The following WDR35 variants were observed in gnomAD, a reference collection of about 807,000 sequenced individuals.
The protein encoded by WDR35 is WD repeat domain 35, also known as WD repeat-containing protein 35.
A neutral mutation model predicts 158.3 loss-of-function variants in WDR35; 118 were observed. The observed-to-expected ratio is 0.75, with a 90% CI of 0.64 to 0.87. The LOEUF (loss-of-function observed/expected upper bound fraction) is 0.87. WDR35 is among the 40% of genes least tolerant of loss of function. WDR35 has a pLI of 0.00. For missense variants in WDR35, 1,263 were observed against 1,405.8 expected, an observed-to-expected ratio of 0.90 and a Z score of 1.62; for synonymous variants, 448 against 476.1, an observed-to-expected ratio of 0.94 and a Z score of 0.77.
rs775866923 is a variant in WDR35 at position 19,946,516 on chromosome 2, G to T, written c.1579C>A (p.Gln527Lys). Reference protein sequence around the residue: ...RYSLPNVGLIQKYSLNCRAYQ... With the variant: ...RYSLPNVGLIKKYSLNCRAYQ... ...GCTCGACAATTAAGGGAATATTTTT[G>T]AATCAAACCAACATTAGGTAGACTG... The change falls in exon 15 of 27, where the codon CAA becomes AAA. Residue 527 changes from glutamine to lysine, a missense_variant. Transcript: ENST00000281405. The T allele has an allele frequency of 2.5e-6, 4 of 1,613,480 alleles. No homozygotes were observed. The highest frequency in any genetic ancestry group is 2.2e-5 in the East Asian group (1 of 44,782).
At chr2:19,971,146 T>A (rs2103450500) in intron 8 of WDR35, among the ~76,000 whole-genome samples, 1 of 152,328 alleles carries the variant, frequency 6.6e-6, no homozygotes, top group African/African-American at 2.4e-5. Context: ...ACATTTTTAA[T>A]CTATATCTTT....
chr2:19,974,020 C>T (rs576075146), intron 7 of WDR35, among the ~76,000 whole-genome samples: 2 of 152,102 alleles, frequency 1.3e-5, no homozygotes, highest in South Asian at 4.2e-4. Flanking sequence ...AGACCTTGAG[C>T]CTGGGAGGCC....
At position 19,930,344 on chromosome 2, in the gene WDR35, TA is replaced by T. The variant is rs1670485272; in HGVS notation, c.3121+51del. ...GCAAATTGAAGAAGCTAGCCCTTCA[TA>T]CTCAATTTATAATTTTCAGACATAC... On this transcript the variant is annotated intron_variant, in intron 25 of 26. Coordinates refer to ENST00000281405, the MANE Select transcript of WDR35 (RefSeq NM_020779.4). 8.1e-6 allele frequency: 13 copies of T among 1,612,812 alleles called. No individual in the cohort carries two copies. In the East Asian group the frequency reaches 2.9e-4, roughly 36 times the overall value.
intron 25 of WDR35, among the ~76,000 whole-genome samples, chr2:19,914,664 C>A (rs994900260): frequency 6.6e-6 from 1 of 151,984 alleles, no homozygotes; most frequent in Non-Finnish European, 1.5e-5. Flanking sequence ...CAAGATAATA[C>A]CATGTTTCCT....
intron 21 of WDR35, 103 bp from the exon 22 acceptor site, chr2:19,933,614 G>A (rs1190432587): frequency 3.0e-6 from 3 of 985,058 alleles, no homozygotes; most frequent in Non-Finnish European, 4.7e-6. Context: ...TAAATTTACT[G>A]GTAGTTACAG....
chr2:19,913,416 T>C lies in WDR35; in HGVS notation c.*142A>G. 3.0e-6 allele frequency: 3 copies of C among 1,016,850 alleles called. No homozygotes were observed. In the South Asian group the frequency reaches 5.0e-5, roughly 17 times the overall value. 63.0% of individuals were successfully genotyped at this position (1,016,850 alleles called of 1,614,324 possible). On this transcript the variant is annotated 3_prime_UTR_variant, in exon 27 of 27. Coordinates refer to ENST00000281405, the MANE Select transcript of WDR35 (RefSeq NM_020779.4). ...CCATAAAAATTATTTTATTAACATATATTTTGTGCAAAAATTCAACTATAA... is the reference window on the plus strand; with the variant it reads ...CCATAAAAATTATTTTATTAACATACATTTTGTGCAAAAATTCAACTATAA...
chr2:19,936,150 C>T (rs1311223659), intron 20 of WDR35, 69 bp downstream of exon 20: 4 of 1,598,070 alleles, frequency 2.5e-6, no homozygotes, highest in Non-Finnish European at 3.4e-6. Context: ...GGATTACTTC[C>T]TAGAGAAGTA....
At chr2:19,980,632 T>C in intron 4 of WDR35, 59 bp downstream of exon 4, 1 of 1,417,502 alleles carries the variant, frequency 7.1e-7, no homozygotes, top group Non-Finnish European at 1.0e-6. Flanking sequence ...CCCATCCAAA[T>C]ACTGTGATCC....
In WDR35 at chr2:19,935,469, A is replaced by C. The variant is rs755634743; in HGVS notation, c.2547+2T>G. On this transcript the variant is annotated splice_donor_variant, in intron 21 of 26. Transcript: ENST00000281405. LOFTEE classifies it high-confidence loss of function. ...CCAAAAACTAAAATTTGCAATACCTACTGGAAGTAACTTGTGGTTTTCTGG... is the reference window on the plus strand; with the variant it reads ...CCAAAAACTAAAATTTGCAATACCTCCTGGAAGTAACTTGTGGTTTTCTGG... 1.2e-6 allele frequency: 2 copies of C among 1,612,758 alleles called. No homozygotes were observed. The highest frequency in any genetic ancestry group is 1.7e-6 in the Non-Finnish European group (2 of 1,179,492).
intron 11 of WDR35, among the ~76,000 whole-genome samples, chr2:19,959,927 T>C (rs1031224396): frequency 1.3e-5 from 2 of 152,102 alleles, no homozygotes; most frequent in Non-Finnish European, 2.9e-5. Context: ...TGATTTTTAA[T>C]AATCTACTTA....
In WDR35 at chr2:19,911,481, C is replaced by T. The variant is rs1434009215; in HGVS notation, c.*2077G>A. 2 of 152,172 alleles carry T rather than the reference C, an allele frequency of 1.3e-5. No homozygotes were observed. Among genetic ancestry groups the T allele is most frequent in the African/African-American group, 2.4e-5 (1 of 41,432 alleles). The allele number at this position is 152,172 out of a possible 1,614,324, so 9.4% of individuals were successfully genotyped here. A position where few individuals can be genotyped will look rare whatever the true frequency, so the allele number is the denominator to read the frequency against. On this transcript the variant is annotated 3_prime_UTR_variant, in exon 27 of 27. Coordinates refer to ENST00000281405, the MANE Select transcript of WDR35 (RefSeq NM_020779.4). ...AGTCTCATCCCTAAAAACAGAAAGT[C>T]CTGTGGAAAGATGCAAGTTCAACAG...
intron 5 of WDR35, among the ~76,000 whole-genome samples, chr2:19,975,987 A>G (rs1672197375): frequency 6.6e-6 from 1 of 152,210 alleles, no homozygotes. Flanking sequence ...TCAACAATTC[A>G]GAACATAACT....
At position 19,934,083 on chromosome 2, in the gene WDR35, A is replaced by G. The variant is rs1395233971; in HGVS notation, c.2548-572T>C. On this transcript the variant is annotated intron_variant, in intron 21 of 26. Transcript: ENST00000281405. The surrounding 1 kb of genome is among the most constrained non-coding windows in gnomAD (Gnocchi z 4.6). ...ACCACCACCACCACCACAAAAAAAAATCCTACTTGTTCAGCTGCACTGGCC... is the reference window on the plus strand; with the variant it reads ...ACCACCACCACCACCACAAAAAAAAGTCCTACTTGTTCAGCTGCACTGGCC... 1.5e-5 allele frequency among the ~76,000 whole-genome samples: 2 copies of G among 134,484 alleles called. No homozygotes were observed. Among genetic ancestry groups the G allele is most frequent in the South Asian group, 4.9e-4 (2 of 4,050 alleles). 88.2% of individuals were successfully genotyped at this position (134,484 alleles called of 152,430 possible). A position where few individuals can be genotyped will look rare whatever the true frequency, so the allele number is the denominator to read the frequency against.
intron 11 of WDR35, among the ~76,000 whole-genome samples, chr2:19,954,629 C>CA (rs1048077125): frequency 2.5e-4 from 38 of 152,296 alleles, no homozygotes; most frequent in African/African-American, 8.9e-4. Flanking sequence ...GATACCACCT[C>CA]ACACCCACTA....
Position 19,969,973 on chromosome 2 carries a change from T to G in WDR35, c.883-368A>C, listed in dbSNP as rs1339227759. ...TGTGTTAGCCAGGATGGTCTCGATC[T>G]CCTGACTTCATGATCTGCCTGCCTC... On this transcript the variant is annotated intron_variant, in intron 8 of 26. Transcript: ENST00000281405. 2.0e-5 allele frequency among the ~76,000 whole-genome samples: 3 copies of G among 152,160 alleles called. No homozygotes were observed. The East Asian group carries it at 5.8e-4, about 29-fold the overall frequency.
intron 13 of WDR35, 82 bp from the exon 14 acceptor site, chr2:19,948,299 TA>T: frequency 7.8e-7 from 1 of 1,274,726 alleles, no homozygotes. Flanking sequence ...TGCAATTCAC[TA>T]AGCAGTCAAT....
rs1672147997 is a variant in WDR35 at position 19,974,633 on chromosome 2, T to C, written c.571A>G (p.Ile191Val). The C allele has an allele frequency of 6.2e-7, 1 of 1,612,894 alleles. No homozygotes were observed. Among genetic ancestry groups the C allele is most frequent in the Admixed American group, 1.7e-5 (1 of 60,000 alleles). ...HIYDNQGNFM[I>V]KMKLSCLVNV... ...ACCAAACAACTCAGTTTCATTTTTATCTAAATAAAATTGGTTAGGTTTAAT... is the reference window on the plus strand; with the variant it reads ...ACCAAACAACTCAGTTTCATTTTTACCTAAATAAAATTGGTTAGGTTTAAT... The change falls in exon 7 of 27, where the codon ATA becomes GTA. Residue 191 changes from isoleucine to valine, a missense_variant and splice_region_variant. Transcript: ENST00000281405.
intron 25 of WDR35, among the ~76,000 whole-genome samples, chr2:19,927,507 T>C (rs1450605252): frequency 6.6e-6 from 1 of 152,128 alleles, no homozygotes; most frequent in Non-Finnish European, 1.5e-5. Flanking sequence ...GTTCAGGTGG[T>C]AGATATAATA....
At chr2:19,953,561 C>G (rs1671317854) in intron 12 of WDR35, among the ~76,000 whole-genome samples, 1 of 152,160 alleles carries the variant, frequency 6.6e-6, no homozygotes, top group African/African-American at 2.4e-5. Context: ...CATATTAACT[C>G]TAATCTGGTG....
Sources: allele counts gnomAD v4.1 joint callset (sites outside exome capture counted in the v4.1 genomes callset), GRCh38; gene constraint gnomAD v4.1.1; non-coding constraint Gnocchi (gnomAD v3.1); transcripts MANE v1.5; gene names NCBI Gene and HGNC (gene_info 2026-07-23, HGNC 2026-07-21).